Variants in GLI3 observed in about 807,000 individuals in gnomAD.
GLI3 encodes transcription activator GLI3.
Under a neutral mutation model 100.8 loss-of-function variants are expected in GLI3, and 20 were observed. The observed-to-expected ratio is 0.20, with a 90% CI of 0.14 to 0.29. The LOEUF (loss-of-function observed/expected upper bound fraction) is 0.29. Ranked by LOEUF, GLI3 falls within the 10% of genes least tolerant of loss-of-function variation. The pLI, the probability that GLI3 is intolerant of heterozygous loss-of-function variation, is 1.00. For synonymous variants in GLI3, 938 were observed against 860.5 expected (o/e 1.09, Z -1.58); for missense variants, 2,040 against 2,128.5 (o/e 0.96, Z 0.82).
Position 42,126,551 on chromosome 7 carries a change from C to T in GLI3, c.367+21675G>A, listed in dbSNP as rs112547781. Among the ~76,000 whole-genome samples the T allele has an allele frequency of 2.5e-3, 385 of 152,222 alleles. 3 individuals are homozygous for T. The highest frequency in any genetic ancestry group is 6.8e-3 in the Middle Eastern group (2 of 294). ...GAAAGTTAAGAGAGAATATGCAGGC[C>T]GCAATCCAATAGAGTTGGAATAACT... On this transcript the variant is annotated intron_variant, in intron 3 of 14. Transcript: ENST00000395925.
chr7:42,043,569 C>T (rs846317), intron 6 of GLI3, among the ~76,000 whole-genome samples: 96,846 of 152,096 alleles, frequency 0.64, 32,583 homozygotes, highest in African/African-American at 0.87. Flanking sequence ...ATTTTGTTTC[C>T]CTATTCTAAT....
chr7:42,048,033 C>T (rs750135485), intron 5 of GLI3, among the ~76,000 whole-genome samples: 6 of 152,154 alleles, frequency 3.9e-5, no homozygotes, highest in Non-Finnish European at 7.3e-5. Flanking sequence ...CTCTAACAGA[C>T]GCATCTGTAT....
intron 2 of GLI3, among the ~76,000 whole-genome samples, chr7:42,206,751 A>G (rs1305686740): frequency 3.3e-5 from 5 of 152,242 alleles, no homozygotes; most frequent in Non-Finnish European, 7.3e-5. Context: ...AGACAGGTTG[A>G]TCATACAATA....
chr7:42,147,063 TA>T (rs971200817), intron 3 of GLI3, among the ~76,000 whole-genome samples: 1 of 151,814 alleles, frequency 6.6e-6, no homozygotes. Context: ...TCTCTCCACT[TA>T]AAAAAAATAA....
chr7:42,056,115 G>A (rs1379045965), intron 4 of GLI3, among the ~76,000 whole-genome samples: 1 of 152,180 alleles, frequency 6.6e-6, no homozygotes, highest in Non-Finnish European at 1.5e-5. Context: ...CCAGCCACGT[G>A]GAACTGTAAG....
chr7:42,102,901 TATAAC>T (rs1785498134), intron 3 of GLI3, among the ~76,000 whole-genome samples: 1 of 152,226 alleles, frequency 6.6e-6, no homozygotes, highest in Non-Finnish European at 1.5e-5. Context: ...TGTGGCATAT[TATAAC>T]ATACAGCAAA....
At chr7:42,101,070 C>T (rs1357810425) in intron 3 of GLI3, among the ~76,000 whole-genome samples, 1 of 152,154 alleles carries the variant, frequency 6.6e-6, no homozygotes, top group Admixed American at 6.5e-5. Context: ...CCGCCCTATA[C>T]CAGTGACTTT....
At chr7:42,213,663 A>G (rs1181663452) in intron 2 of GLI3, among the ~76,000 whole-genome samples, 1 of 152,246 alleles carries the variant, frequency 6.6e-6, no homozygotes, top group Non-Finnish European at 1.5e-5. Context: ...TTTTGAAACC[A>G]ATTTCAATTA....
intron 4 of GLI3, among the ~76,000 whole-genome samples, chr7:42,065,438 T>C (rs954245263): frequency 6.6e-6 from 1 of 151,998 alleles, no homozygotes; most frequent in Non-Finnish European, 1.5e-5. Context: ...TATCACAATG[T>C]TTTACCACTA....
chr7:41,975,747 A>G (rs977885435), intron 12 of GLI3, among the ~76,000 whole-genome samples: 9 of 152,326 alleles, frequency 5.9e-5, no homozygotes, highest in African/African-American at 1.7e-4. Flanking sequence ...AAAGCTTGGT[A>G]ATTGTCTTTA....
At chr7:42,062,803 G>A (rs1562710276) in intron 4 of GLI3, among the ~76,000 whole-genome samples, 1 of 151,970 alleles carries the variant, frequency 6.6e-6, no homozygotes, top group Non-Finnish European at 1.5e-5. Flanking sequence ...GCTAAATCCA[G>A]CCTTTCCATA....
intron 9 of GLI3, among the ~76,000 whole-genome samples, chr7:42,024,081 T>C (rs1789028237): frequency 6.6e-6 from 1 of 152,242 alleles, no homozygotes; most frequent in Non-Finnish European, 1.5e-5. Flanking sequence ...TCCAGGGAAA[T>C]GGTTTACTAG....
chr7:42,121,561 T>C (rs1786000471), intron 3 of GLI3, among the ~76,000 whole-genome samples: 1 of 152,212 alleles, frequency 6.6e-6, no homozygotes, highest in African/African-American at 2.4e-5. Context: ...TATCTCCATG[T>C]AGAATTCCCA....
intron 3 of GLI3, among the ~76,000 whole-genome samples, chr7:42,132,548 T>G (rs1349745408): frequency 6.6e-6 from 1 of 152,220 alleles, no homozygotes; most frequent in Non-Finnish European, 1.5e-5. Flanking sequence ...AATATTGGAA[T>G]AATCAAATAG....
chr7:42,008,462 G>T (rs1436612094), intron 10 of GLI3, among the ~76,000 whole-genome samples: 1 of 152,150 alleles, frequency 6.6e-6, no homozygotes, highest in Non-Finnish European at 1.5e-5. Context: ...TTTTTTCAGA[G>T]ATGGGGTCTC....
At chr7:42,183,408 G>C (rs914904261) in intron 2 of GLI3, among the ~76,000 whole-genome samples, 10 of 152,080 alleles carry the variant, frequency 6.6e-5, no homozygotes, top group African/African-American at 2.4e-4. Context: ...TATTTGGGTG[G>C]GGGGCAAATC....
At chr7:42,186,672 C>T (rs1445517676) in intron 2 of GLI3, among the ~76,000 whole-genome samples, 4 of 152,286 alleles carry the variant, frequency 2.6e-5, no homozygotes, top group African/African-American at 9.6e-5. Flanking sequence ...ACATTTACAA[C>T]AAATCCAGTT....
upstream of GLI3, among the ~76,000 whole-genome samples, chr7:42,237,614 T>G (rs1788841025): frequency 1.3e-5 from 2 of 150,342 alleles, no homozygotes; most frequent in African/African-American, 2.4e-5. Context: ...TTTTAACAGA[T>G]GTTGCCGGAC....
At chr7:42,217,163 T>G (rs1030659408) in intron 2 of GLI3, among the ~76,000 whole-genome samples, 5 of 152,178 alleles carry the variant, frequency 3.3e-5, no homozygotes, top group Non-Finnish European at 7.3e-5. Flanking sequence ...GTACAGTAGG[T>G]TGGCCTGAAG....
Sources: allele counts gnomAD v4.1 joint callset (sites outside exome capture counted in the v4.1 genomes callset), GRCh38; gene constraint gnomAD v4.1.1; transcripts MANE v1.5; gene names NCBI Gene and HGNC (gene_info 2026-07-23, HGNC 2026-07-21).